Variants in GALNT14 observed in about 807,000 individuals in gnomAD.
The protein encoded by GALNT14 is polypeptide N-acetylgalactosaminyltransferase 14, also known as UDP-GalNAc:polypeptide N-acetylgalactosaminyltransferase 14.
GALNT14 carries 60 observed loss-of-function variants against 77.5 expected under a neutral mutation model. That is an observed-to-expected ratio of 0.77 (90% CI 0.63 to 0.96). The LOEUF (loss-of-function observed/expected upper bound fraction) is 0.96, where lower values mean the gene tolerates loss of function less well. Among genes scored for constraint, GALNT14 ranks in the 40% least tolerant of loss-of-function variants. The pLI, the probability that GALNT14 is intolerant of heterozygous loss-of-function variation, is 0.00. For missense variants in GALNT14, 710 were observed against 731.0 expected (o/e 0.97, Z 0.33); for synonymous variants, 280 against 281.7 (o/e 0.99, Z 0.06).
intron 1 of GALNT14, among the ~76,000 whole-genome samples, chr2:31,089,207 G>C (rs896206362): frequency 1.3e-5 from 2 of 152,052 alleles, no homozygotes. Context: ...ATCTCAACTC[G>C]AGTGGGACAT....
chr2:30,893,228 C>T, the GALNT14 span, among the ~76,000 whole-genome samples: 1 of 152,116 alleles, frequency 6.6e-6, no homozygotes, highest in Non-Finnish European at 1.5e-5. Context: ...CAACTAATAA[C>T]ACTGGAACAT....
intron 1 of GALNT14, among the ~76,000 whole-genome samples, chr2:31,106,871 G>A (rs115362503): frequency 3.2e-4 from 48 of 152,218 alleles, no homozygotes; most frequent in African/African-American, 1.1e-3. Flanking sequence ...TTCTTTGCAG[G>A]AAGTTCTGAG....
chr2:31,110,989 A>G (rs909023040), intron 1 of GALNT14, among the ~76,000 whole-genome samples: 1 of 152,178 alleles, frequency 6.6e-6, no homozygotes, highest in African/African-American at 2.4e-5. Flanking sequence ...TCAATCAGGT[A>G]CCCCACTTGT....
At chr2:31,071,096 G>T (rs1475979011) in intron 1 of GALNT14, among the ~76,000 whole-genome samples, 2 of 152,130 alleles carry the variant, frequency 1.3e-5, no homozygotes. Flanking sequence ...TTGGGGACTC[G>T]GGGAAAGGCT....
At chr2:31,097,962 T>C (rs1260083908) in intron 1 of GALNT14, among the ~76,000 whole-genome samples, 1 of 152,164 alleles carries the variant, frequency 6.6e-6, no homozygotes, top group African/African-American at 2.4e-5. Flanking sequence ...GCCTAGTTAA[T>C]TTCCATGATC....
At chr2:31,090,905 G>A (rs181936626) in intron 1 of GALNT14, among the ~76,000 whole-genome samples, 5 of 152,238 alleles carry the variant, frequency 3.3e-5, no homozygotes, top group African/African-American at 7.2e-5. Flanking sequence ...ATAAACTGGC[G>A]AGTGTTTTAC....
intron 1 of GALNT14, among the ~76,000 whole-genome samples, chr2:31,083,876 G>A (rs1366862445): frequency 2.0e-5 from 3 of 152,196 alleles, no homozygotes; most frequent in Admixed American, 6.5e-5. Flanking sequence ...TGCTGCTGCT[G>A]AGTCTCAAAA....
Position 30,955,705 on chromosome 2 carries a change from G to C in GALNT14, c.567C>G (p.Ile189Met). The change falls in exon 6 of 15, where the codon ATC (isoleucine) becomes ATG (methionine). Residue 189 changes from isoleucine to methionine, a missense_variant. Physicochemically the swap from Ile to Met is conservative, Grantham distance 10 (BLOSUM62 1). Transcript: ENST00000349752. Reference protein sequence around the residue: ...LVRSRIRGADIAQGTTLTFLD... With the variant: ...LVRSRIRGADMAQGTTLTFLD... ...GGAAAGTCAGAGTGGTGCCCTGGGC[G>C]ATGTCAGCGCCCCGAATCCGGGACC... 1.9e-6 allele frequency: 3 copies of C among 1,614,178 alleles called. No homozygotes were observed. The highest frequency in any genetic ancestry group is 1.6e-4 in the Middle Eastern group (1 of 6,062).
chr2:30,892,238 G>A, the GALNT14 span, among the ~76,000 whole-genome samples: 3 of 152,168 alleles, frequency 2.0e-5, no homozygotes, highest in Non-Finnish European at 2.9e-5. Flanking sequence ...CAAAGAAAAT[G>A]AGAGAATTCC....
intron 1 of GALNT14, among the ~76,000 whole-genome samples, chr2:31,128,258 T>C (rs554682438): frequency 3.4e-4 from 49 of 144,828 alleles, no homozygotes; most frequent in African/African-American, 1.2e-3. Context: ...AACTGAGGAG[T>C]TGTCCATCAG....
At chr2:31,007,898 C>A (rs1001408149) in intron 1 of GALNT14, among the ~76,000 whole-genome samples, 4 of 152,170 alleles carry the variant, frequency 2.6e-5, no homozygotes, top group African/African-American at 9.7e-5. Context: ...CCTCTGCCTT[C>A]CTATGCCCTT....
intron 1 of GALNT14, among the ~76,000 whole-genome samples, chr2:31,042,913 C>T (rs947830071): frequency 1.3e-5 from 2 of 152,174 alleles, no homozygotes; most frequent in Non-Finnish European, 2.9e-5. Context: ...TCATGTCATT[C>T]CTTTCCTCAA....
At chr2:31,067,639 C>T (rs1298873466) in intron 1 of GALNT14, among the ~76,000 whole-genome samples, 2 of 152,180 alleles carry the variant, frequency 1.3e-5, no homozygotes, top group East Asian at 1.9e-4. Context: ...GACAGGAGAG[C>T]CTACCCCTCT....
chr2:31,010,627 G>T (rs549089935), intron 1 of GALNT14, among the ~76,000 whole-genome samples: 1 of 152,116 alleles, frequency 6.6e-6, no homozygotes, highest in African/African-American at 2.4e-5. Context: ...GATGACATTC[G>T]TTCCCGTCTC....
rs768286610 is a variant in GALNT14 at position 30,955,957 on chromosome 2, T to C, written c.487A>G (p.Ile163Val). The change falls in exon 5 of 15, where the codon ATC becomes GTC. Residue 163 changes from isoleucine (I) to valine (V), a missense_variant. Coordinates refer to ENST00000349752, the MANE Select transcript of GALNT14 (RefSeq NM_024572.4). ...AAGCATTTCACCTTGGGCAACTTGA[T>C]GAGCTGTTTACAGTCATCAGCTGCA... Reference protein sequence around the residue: ...SNDPDDCKQLIKLPKVKCLRN... With the variant: ...SNDPDDCKQLVKLPKVKCLRN... The C allele has an allele frequency of 6.2e-7, 1 of 1,614,222 alleles. No individual in the cohort carries two copies.
At chr2:31,119,292 G>C (rs527913486) in intron 1 of GALNT14, among the ~76,000 whole-genome samples, 177 of 152,070 alleles carry the variant, frequency 1.2e-3, no homozygotes, top group Admixed American at 1.8e-3. Context: ...AAATTAATCA[G>C]AAAAAAATCT....
intron 1 of GALNT14, among the ~76,000 whole-genome samples, chr2:31,034,530 T>C (rs996860855): frequency 6.6e-6 from 1 of 151,974 alleles, no homozygotes; most frequent in Non-Finnish European, 1.5e-5. Context: ...TTCCAGTCAC[T>C]GACTTTTGAT....
chr2:31,064,747 T>C (rs1674829166), intron 1 of GALNT14, among the ~76,000 whole-genome samples: 1 of 151,838 alleles, frequency 6.6e-6, no homozygotes, highest in Non-Finnish European at 1.5e-5. Context: ...CTACCTGACA[T>C]TGCTTCTCGG....
chr2:31,102,511 G>A (rs1284993255), intron 1 of GALNT14, among the ~76,000 whole-genome samples: 1 of 152,076 alleles, frequency 6.6e-6, no homozygotes, highest in Non-Finnish European at 1.5e-5. Flanking sequence ...ACTGTAATCA[G>A]AGAATATTGT....
Sources: gnomAD v4.1 joint callset for allele counts (sites outside exome capture counted in the v4.1 genomes callset) on GRCh38, gnomAD v4.1.1 for gene constraint, MANE v1.5 for transcripts, NCBI Gene and HGNC (gene_info 2026-07-23, HGNC 2026-07-21) for gene names.